TBC1D24: variants seen among roughly 807,000 people sequenced by gnomAD.
The protein encoded by TBC1D24 is Infantile myoclonic epilepsy.
Under a neutral mutation model 50.7 loss-of-function variants are expected in TBC1D24, and 47 were observed. That is an observed-to-expected ratio of 0.93 (90% CI 0.73 to 1.18). TBC1D24 has a LOEUF of 1.18. Among genes scored for constraint, TBC1D24 ranks in the 50% most tolerant of loss-of-function variants. The probability of loss-of-function intolerance (pLI) is 0.00; values close to 1 mark genes in which losing one functional copy is unlikely to be tolerated. For synonymous variants in TBC1D24, 324 were observed against 335.2 expected (o/e 0.97, Z 0.36); for missense variants, 688 against 766.5 (o/e 0.90, Z 1.21).
Position 2,500,228 on chromosome 16 carries a change from A to G in TBC1D24, c.1303-40A>G. 1.3e-6 allele frequency: 2 copies of G among 1,528,030 alleles called. No homozygotes were observed. Among genetic ancestry groups the G allele is most frequent in the Non-Finnish European group, 1.8e-6 (2 of 1,123,644 alleles). The allele number at this position is 1,528,030 out of a possible 1,614,324, so 94.7% of individuals were successfully genotyped here. On this transcript the variant is annotated intron_variant, in intron 6 of 7. Coordinates refer to ENST00000646147, the MANE Select transcript of TBC1D24 (RefSeq NM_001199107.2). The surrounding 1 kb of genome is among the most constrained non-coding windows in gnomAD (Gnocchi z 8.0). ...TGGCTCTGGGGCAGAGGGGCCTGCGAACGCCCGCGCCAGCTCCTCACACTC... is the reference window on the plus strand; with the variant it reads ...TGGCTCTGGGGCAGAGGGGCCTGCGGACGCCCGCGCCAGCTCCTCACACTC...
rs547237739 is a variant in TBC1D24 at position 2,494,872 on chromosome 16, A to G, written c.-115-1162A>G. Among the ~76,000 whole-genome samples the G allele has an allele frequency of 8.5e-5, 13 of 152,212 alleles. No individual in the cohort carries two copies. In the East Asian group the frequency reaches 2.1e-3, roughly 25 times the overall value. ...CTTATCTTAAGTGGAAGCCCTTCTA[A>G]TACTTACACAAAGATTAAGGCAAAT... On this transcript the variant is annotated intron_variant, in intron 1 of 7. Coordinates refer to ENST00000646147, the MANE Select transcript of TBC1D24 (RefSeq NM_001199107.2).
In TBC1D24 at chr16:2,496,879, C is replaced by T. The variant is rs375873110; in HGVS notation, c.731C>T (p.Ala244Val). The T allele has an allele frequency of 3.7e-6, 6 of 1,614,096 alleles. No individual in the cohort carries two copies. Among genetic ancestry groups the T allele is most frequent in the Admixed American group, 1.7e-5 (1 of 60,030 alleles). Residue 244 changes from alanine to valine, a missense_variant, in exon 2 of 8, where the codon GCG becomes GTG. Coordinates refer to ENST00000646147, the MANE Select transcript of TBC1D24 (RefSeq NM_001199107.2). ...VEGYKVLYRV[A>V]LAILKFFHKV... The stretch of plus-strand genomic sequence containing the variant: ...GGCTACAAGGTGCTGTACCGCGTGG[C>T]GCTGGCCATCCTCAAGTTCTTCCAC...
intron 2 of TBC1D24, 110 bp from the exon 3 acceptor site, chr16:2,497,600 T>C: frequency 8.8e-7 from 1 of 1,135,978 alleles, no homozygotes; most frequent in Non-Finnish European, 1.3e-6. Flanking sequence ...CGTGCAGCCC[T>C]CTTTCTTCTG....
Position 2,482,981 on chromosome 16 carries a change from G to A in TBC1D24, c.-116+7811G>A, listed in dbSNP as rs2141855304. ...GGCTCAGAAGGAAAACGGAGAAGAG[G>A]TGGAGCTGGAGTGGAGCCTCAGGCC... On this transcript the variant is annotated intron_variant, in intron 1 of 7. Transcript: ENST00000646147. The surrounding 1 kb of genome is among the most constrained non-coding windows in gnomAD (Gnocchi z 5.2). 6.5e-6 allele frequency: 1 copy of A among 153,110 alleles called. No individual in the cohort carries two copies. The highest frequency in any genetic ancestry group is 1.9e-4 in the East Asian group (1 of 5,198). The allele number at this position is 153,110 out of a possible 1,614,324, so 9.5% of individuals were successfully genotyped here.
chr16:2,503,344 G>A lies in TBC1D24; in HGVS notation c.*2386G>A, dbSNP rs2065809588. ...TTTATTCTTATCACTGTACTTGTTA[G>A]TATCTGATATTAGGTATTCCCAAAT... On this transcript the variant is annotated 3_prime_UTR_variant, in exon 8 of 8. Transcript: ENST00000646147. The A allele has an allele frequency of 6.6e-6, 1 of 151,960 alleles. No homozygotes were observed. Among genetic ancestry groups the A allele is most frequent in the Admixed American group, 6.6e-5 (1 of 15,246 alleles). The allele number at this position is 151,960 out of a possible 1,614,324, so 9.4% of individuals were successfully genotyped here. A position where few individuals can be genotyped will look rare whatever the true frequency, so the allele number is the denominator to read the frequency against.
rs77103420 is a variant in TBC1D24 at position 2,505,664 on chromosome 16, A to G, written c.*4706A>G. 19 of 152,252 alleles carry G rather than the reference A, an allele frequency of 1.2e-4. No individual in the cohort carries two copies. In the East Asian group the frequency reaches 3.1e-3, roughly 25 times the overall value. The allele number at this position is 152,252 out of a possible 1,614,324, so 9.4% of individuals were successfully genotyped here. On this transcript the variant is annotated 3_prime_UTR_variant, in exon 8 of 8. Coordinates refer to ENST00000646147, the MANE Select transcript of TBC1D24 (RefSeq NM_001199107.2). Reference sequence around the variant, plus strand: ...AATCCAACTTTGAAAATGTGAAAATAAGTGAGTTAGTGATATGTTTGGTTG... The same window carrying G: ...AATCCAACTTTGAAAATGTGAAAATGAGTGAGTTAGTGATATGTTTGGTTG...
chr16:2,486,603 A>G lies in TBC1D24; in HGVS notation c.-115-9431A>G, dbSNP rs2065652916. 6.6e-6 allele frequency among the ~76,000 whole-genome samples: 1 copy of G among 152,210 alleles called. No individual in the cohort carries two copies. The highest frequency in any genetic ancestry group is 2.4e-5 in the African/African-American group (1 of 41,464). ...AGCGAACACTGACCTACGTTGGGAC[A>G]GGGCTGCCTCTTGCCCAGGGGGCTG... On this transcript the variant is annotated intron_variant, in intron 1 of 7. Transcript: ENST00000646147. The surrounding 1 kb of genome is among the most constrained non-coding windows in gnomAD (Gnocchi z 5.8).
chr16:2,477,626 G>T (rs543125192), intron 1 of TBC1D24: 1 of 152,268 alleles, frequency 6.6e-6, no homozygotes, highest in Non-Finnish European at 1.5e-5. Flanking sequence ...GCACCATGCC[G>T]TGTGTTCTGT....
rs1041091510 is a variant in TBC1D24, at chr16:2,500,497, G to A, written c.1525+7G>A. ...AGCGACTGCCTCATCGTCGGTGAGC[G>A]CCAGCAGACGGGGCTCTGGGATGAG... On this transcript the variant is annotated splice_region_variant and intron_variant, in intron 7 of 7. Transcript: ENST00000646147. This position sits in a 1 kb window ranked among gnomAD's most constrained non-coding sequence, Gnocchi z 8.0. The A allele has an allele frequency of 1.7e-5, 27 of 1,552,826 alleles. No individual in the cohort carries two copies. The highest frequency in any genetic ancestry group is 2.4e-5 in the East Asian group (1 of 41,440).
rs142035528 is a variant in TBC1D24, at chr16:2,502,006, C to G, written c.*1048C>G. The G allele has an allele frequency of 4.1e-4, 63 of 152,876 alleles. No individual in the cohort carries two copies. The highest frequency in any genetic ancestry group is 1.3e-3 in the African/African-American group (55 of 41,602). 9.5% of individuals were successfully genotyped at this position (152,876 alleles called of 1,614,324 possible). On this transcript the variant is annotated 3_prime_UTR_variant, in exon 8 of 8. Transcript: ENST00000646147. ...TCTCAGTGCAGCCCCAACTGCTTCT[C>G]TGCACCAGGCCCCGTGCCCTCCCCT... is the stretch of plus-strand genomic sequence containing the variant.
At chr16:2,488,752 C>CT (rs112675396) in intron 1 of TBC1D24, among the ~76,000 whole-genome samples, 3,875 of 120,428 alleles carry the variant, frequency 0.032, 164 homozygotes, top group African/African-American at 0.11. Flanking sequence ...CACCTGGCTG[C>CT]TTTTTTTTTT....
intron 1 of TBC1D24, among the ~76,000 whole-genome samples, chr16:2,493,347 G>A (rs867600863): frequency 1.3e-5 from 2 of 152,008 alleles, no homozygotes; most frequent in Non-Finnish European, 1.5e-5. Flanking sequence ...CACTGTGTTA[G>A]CCAGGATGGT....
Position 2,497,445 on chromosome 16 carries a change from C to T in TBC1D24, c.966-265C>T, listed in dbSNP as rs945029167. Among the ~76,000 whole-genome samples the T allele has an allele frequency of 3.9e-5, 6 of 152,340 alleles. No homozygotes were observed. The East Asian group carries it at 7.7e-4, about 20-fold the overall frequency. On this transcript the variant is annotated intron_variant, in intron 2 of 7. Transcript: ENST00000646147. Reference sequence around the variant, plus strand: ...GCTCCACCCCTCCGGCTCTGGGCTCCGTGGCTGGTCTCTGCTGTGGCTGCT... The same window carrying T: ...GCTCCACCCCTCCGGCTCTGGGCTCTGTGGCTGGTCTCTGCTGTGGCTGCT...
intron 1 of TBC1D24, chr16:2,478,457 A>T (rs1446690648): frequency 6.6e-6 from 1 of 152,322 alleles, no homozygotes; most frequent in Admixed American, 6.5e-5. Context: ...CCGTGTGGAG[A>T]TGGCGATGAG....
chr16:2,497,825 G>A, intron 3 of TBC1D24, 98 bp downstream of exon 3: 1 of 1,287,622 alleles, frequency 7.8e-7, no homozygotes, highest in South Asian at 1.3e-5. Flanking sequence ...TGCTCTCGTG[G>A]GCCAGCTTCA....
intron 1 of TBC1D24, among the ~76,000 whole-genome samples, chr16:2,489,664 G>A (rs1055998146): frequency 6.6e-6 from 1 of 152,146 alleles, no homozygotes; most frequent in Admixed American, 6.5e-5. Context: ...TGAGAGAGCT[G>A]CCCCTGGCCC....
Position 2,499,995 on chromosome 16 carries a change from C to T in TBC1D24, c.1302+65C>T, listed in dbSNP as rs2065777630. The T allele has an allele frequency of 1.3e-5, 18 of 1,409,966 alleles. No individual in the cohort carries two copies. The highest frequency in any genetic ancestry group is 1.8e-5 in the African/African-American group (1 of 54,640). 87.3% of individuals were successfully genotyped at this position (1,409,966 alleles called of 1,614,324 possible). The stretch of plus-strand genomic sequence containing the variant: ...CTGTAGCTGCATCCCTCCAGGAGCA[C>T]CCGCCTGCCCTGGGGACACTGTTGG... On this transcript the variant is annotated intron_variant, in intron 6 of 7. Coordinates refer to ENST00000646147, the MANE Select transcript of TBC1D24 (RefSeq NM_001199107.2). The surrounding 1 kb of genome is among the most constrained non-coding windows in gnomAD (Gnocchi z 4.0).
At chr16:2,477,278 C>T (rs2065576343) in intron 1 of TBC1D24, 5 of 152,234 alleles carry the variant, frequency 3.3e-5, no homozygotes, top group African/African-American at 1.2e-4. Context: ...ATCCTTTCAA[C>T]ATGTGTTTGT....
At chr16:2,481,982 G>A (rs752426460) in intron 1 of TBC1D24, 2 of 152,278 alleles carry the variant, frequency 1.3e-5, no homozygotes, top group South Asian at 2.1e-4. Context: ...CAGCTACTTG[G>A]TAGTCACTGT....
Sources: allele counts gnomAD v4.1 joint callset (sites outside exome capture counted in the v4.1 genomes callset), GRCh38; gene constraint gnomAD v4.1.1; non-coding constraint Gnocchi (gnomAD v3.1); transcripts MANE v1.5; gene names NCBI Gene and HGNC (gene_info 2026-07-23, HGNC 2026-07-21).